The following EVI5 variants were observed in gnomAD, a reference collection of about 807,000 sequenced individuals.
EVI5 encodes the protein ecotropic viral integration site 5.
Under a neutral mutation model 112.0 loss-of-function variants are expected in EVI5, and 73 were observed. That is an observed-to-expected ratio of 0.65 (90% CI 0.54 to 0.79). The LOEUF is 0.79. Among genes scored for constraint, EVI5 ranks in the 30% least tolerant of loss-of-function variants. EVI5 has a pLI of 0.00. For synonymous variants in EVI5, 305 were observed against 319.9 expected (o/e 0.95, Z 0.50); for missense variants, 900 against 968.8 (o/e 0.93, Z 0.94).
At chr1:92,786,380 G>A (rs1570979455), upstream of EVI5, among the ~76,000 whole-genome samples, 1 of 152,056 alleles carries the variant, frequency 6.6e-6, no homozygotes, top group East Asian at 1.9e-4. Flanking sequence ...ATAACTTTAG[G>A]TTGTGCCATT....
intron 9 of EVI5, among the ~76,000 whole-genome samples, chr1:92,681,593 C>G (rs1667597950): frequency 6.6e-6 from 1 of 152,144 alleles, no homozygotes; most frequent in Admixed American, 6.5e-5. Context: ...ACCTGGCCAA[C>G]CTTCATTACA....
intron 10 of EVI5, among the ~76,000 whole-genome samples, chr1:92,670,485 C>T (rs1438921891): frequency 2.0e-5 from 3 of 152,096 alleles, no homozygotes; most frequent in African/African-American, 7.2e-5. Flanking sequence ...CTTTTAAGCC[C>T]CCTTGCCCTT....
At chr1:92,700,876 A>T (rs1671041459) in intron 5 of EVI5, 1 of 152,260 alleles carries the variant, frequency 6.6e-6, no homozygotes, top group Non-Finnish European at 1.5e-5. Context: ...AATTTCAATT[A>T]GCAATAATTG....
intron 10 of EVI5, among the ~76,000 whole-genome samples, chr1:92,674,312 A>C (rs1435074747): frequency 1.3e-5 from 2 of 152,278 alleles, no homozygotes; most frequent in African/African-American, 2.4e-5. Flanking sequence ...TAGACTGGAT[A>C]AAGAAAATGT....
intron 1 of EVI5, chr1:92,784,492 G>C (rs941571184): frequency 1.1e-5 from 10 of 941,652 alleles, no homozygotes; most frequent in Non-Finnish European, 1.3e-5. Context: ...TGGCCTCGAG[G>C]GTGGGGTGCA....
intron 14 of EVI5, among the ~76,000 whole-genome samples, chr1:92,633,013 G>C (rs548441628): frequency 2.8e-4 from 42 of 152,300 alleles, no homozygotes; most frequent in African/African-American, 9.6e-4. Context: ...CTGAGTTCTA[G>C]TTTGATTGCA....
Position 92,643,268 on chromosome 1 carries a change from T to A in EVI5, c.1393-6932A>T, listed in dbSNP as rs186982939. On this transcript the variant is annotated intron_variant, in intron 13 of 19. Transcript: ENST00000684568. ...ATTTATTTAGTGCACTAAATACAAA[T>A]TCAATAATAAATTAACTCAAATCTT... Among the ~76,000 whole-genome samples, 291 of 150,382 alleles carry A rather than the reference T, an allele frequency of 1.9e-3. 1 individual carries two copies. The highest frequency in any genetic ancestry group is 6.9e-3 in the African/African-American group (282 of 41,006).
chr1:92,550,411 G>C (rs1179356052), intron 19 of EVI5, among the ~76,000 whole-genome samples: 1 of 149,668 alleles, frequency 6.7e-6, no homozygotes, highest in Non-Finnish European at 1.5e-5. Flanking sequence ...GGAGTTAATG[G>C]GTGCAGCACA....
At chr1:92,608,984 G>A (rs6682801) in intron 16 of EVI5, among the ~76,000 whole-genome samples, 93,141 of 152,048 alleles carry the variant, frequency 0.61, 29,342 homozygotes, top group East Asian at 0.92. Context: ...GATAATATGC[G>A]TAACAGGGCC....
intron 2 of EVI5, among the ~76,000 whole-genome samples, chr1:92,725,055 G>C (rs1490042423): frequency 6.6e-6 from 1 of 152,110 alleles, no homozygotes; most frequent in East Asian, 1.9e-4. Context: ...GTACTCAATG[G>C]CAGTGAGACC....
chr1:92,723,444 G>C (rs749705641), intron 2 of EVI5, among the ~76,000 whole-genome samples: 1 of 152,106 alleles, frequency 6.6e-6, no homozygotes, highest in Non-Finnish European at 1.5e-5. Context: ...TTAATACTTT[G>C]ATAATTTCTT....
At chr1:92,666,857 G>A (rs1195493052) in intron 10 of EVI5, among the ~76,000 whole-genome samples, 1 of 152,038 alleles carries the variant, frequency 6.6e-6, no homozygotes. Flanking sequence ...TTTCTTATGT[G>A]TTTTAACATC....
At chr1:92,784,711 C>G (rs1177646524) in intron 1 of EVI5, 125 bp downstream of exon 1, 1 of 671,306 alleles carries the variant, frequency 1.5e-6, no homozygotes, top group Non-Finnish European at 1.8e-6. Context: ...GCCCGCCCCG[C>G]TCCCACAGCA....
At chr1:92,736,663 T>C (rs781622572) in intron 1 of EVI5, 36 bp from the exon 2 acceptor site, 4 of 1,292,556 alleles carry the variant, frequency 3.1e-6, no homozygotes, top group Middle Eastern at 1.8e-4. Context: ...ATACTTTAGT[T>C]ACACTGTATT....
Position 92,736,584 on chromosome 1 carries a change from G to C in EVI5, c.-38C>G. ...ATGCGATACTGTGTTCTTCACCCAT[G>C]AGAGAGTAGAGCTCAGCTTTTCTGC... On this transcript the variant is annotated 5_prime_UTR_variant, in exon 2 of 20. Coordinates refer to ENST00000684568, the MANE Select transcript of EVI5 (RefSeq NM_001350197.2). 2 of 1,614,048 alleles carry C rather than the reference G, an allele frequency of 1.2e-6. No individual in the cohort carries two copies. The highest frequency in any genetic ancestry group is 1.7e-6 in the Non-Finnish European group (2 of 1,179,924).
At chr1:92,774,897 G>A (rs1251968514) in intron 1 of EVI5, among the ~76,000 whole-genome samples, 1 of 152,204 alleles carries the variant, frequency 6.6e-6, no homozygotes, top group African/African-American at 2.4e-5. Flanking sequence ...GCAATACCTA[G>A]TGAGAAATGA....
At chr1:92,736,665 C>T (rs1272570479) in intron 1 of EVI5, 38 bp from the exon 2 acceptor site, 1 of 1,256,628 alleles carries the variant, frequency 8.0e-7, no homozygotes, top group Non-Finnish European at 1.2e-6. Flanking sequence ...ACTTTAGTTA[C>T]ACTGTATTCA....
intron 18 of EVI5, among the ~76,000 whole-genome samples, chr1:92,596,718 C>T (rs1374234176): frequency 6.6e-6 from 1 of 152,080 alleles, no homozygotes; most frequent in African/African-American, 2.4e-5. Context: ...CCTCAGCCTC[C>T]CAAAGTGCTG....
chr1:92,728,353 T>C (rs1675929629), intron 2 of EVI5, among the ~76,000 whole-genome samples: 1 of 151,612 alleles, frequency 6.6e-6, no homozygotes. Context: ...TCACCCCTTA[T>C]CCACAGTTTC....
Sources: gnomAD v4.1 joint callset for allele counts (sites outside exome capture counted in the v4.1 genomes callset) on GRCh38, gnomAD v4.1.1 for gene constraint, MANE v1.5 for transcripts, NCBI Gene and HGNC (gene_info 2026-07-23, HGNC 2026-07-21) for gene names.